TAFA4: variants seen among roughly 807,000 people sequenced by gnomAD.
TAFA4 encodes chemokine-like protein TAFA-4.
A neutral mutation model predicts 21.1 loss-of-function variants in TAFA4; 20 were observed. The observed-to-expected ratio is 0.95, with a 90% confidence interval of 0.67 to 1.38. The LOEUF is 1.38. Ranked by LOEUF, TAFA4 falls within the 40% of genes most tolerant of loss-of-function variation. The pLI, the probability that TAFA4 is intolerant of heterozygous loss-of-function variation, is 0.00. For synonymous variants in TAFA4, 71 were observed against 67.4 expected (o/e 1.05, Z -0.26); for missense variants, 211 against 180.9 (o/e 1.17, Z -0.95).
intron 1 of TAFA4, among the ~76,000 whole-genome samples, chr3:68,923,158 A>C (rs2090076249): frequency 6.6e-6 from 1 of 152,168 alleles, no homozygotes; most frequent in East Asian, 1.9e-4. Context: ...CTATTTGTGC[A>C]AACGTTAATT....
chr3:68,810,414 C>G (rs1703808946), intron 3 of TAFA4, among the ~76,000 whole-genome samples: 1 of 152,206 alleles, frequency 6.6e-6, no homozygotes, highest in African/African-American at 2.4e-5. Context: ...AGGGAATTCC[C>G]TTTCCTAGTC....
At chr3:68,743,227 G>T (rs1702390008) in intron 4 of TAFA4, among the ~76,000 whole-genome samples, 1 of 152,058 alleles carries the variant, frequency 6.6e-6, no homozygotes, top group Non-Finnish European at 1.5e-5. Context: ...TATTTATTGT[G>T]CCAGAGACTG....
At chr3:68,753,727 A>C (rs1471616053) in intron 3 of TAFA4, among the ~76,000 whole-genome samples, 1 of 152,180 alleles carries the variant, frequency 6.6e-6, no homozygotes, top group African/African-American at 2.4e-5. Context: ...AGACAGATGA[A>C]GAGCTCCAGG....
intron 3 of TAFA4, among the ~76,000 whole-genome samples, chr3:68,791,411 G>T (rs749588311): frequency 6.6e-6 from 1 of 152,086 alleles, no homozygotes; most frequent in Non-Finnish European, 1.5e-5. Flanking sequence ...CCAAATGCTG[G>T]AAGACGCAAA....
intron 3 of TAFA4, among the ~76,000 whole-genome samples, chr3:68,878,768 G>A (rs1194740159): frequency 6.6e-6 from 1 of 152,086 alleles, no homozygotes; most frequent in African/African-American, 2.4e-5. Flanking sequence ...GCGTTTTTTA[G>A]TTGCTTAAAA....
intron 3 of TAFA4, among the ~76,000 whole-genome samples, chr3:68,848,378 G>A (rs999065937): frequency 2.6e-5 from 4 of 152,236 alleles, no homozygotes; most frequent in East Asian, 1.9e-4. Flanking sequence ...ATGTATCAAC[G>A]AATAAAAAAT....
At position 68,894,222 on chromosome 3, in the gene TAFA4, A is replaced by T. The variant is rs777738605; in HGVS notation, c.-122-8912T>A. ...CACCCAGGTTGGAGTGCAGTGGCAC[A>T]ATCAGGGGTCACTGCGTCCTTCATC... is the stretch of plus-strand genomic sequence containing the variant. On this transcript the variant is annotated intron_variant, in intron 1 of 5. Transcript: ENST00000295569. 6.6e-5 allele frequency among the ~76,000 whole-genome samples: 10 copies of T among 151,332 alleles called. No individual in the cohort carries two copies. The Middle Eastern group carries it at 0.031, about 463-fold the overall frequency.
At chr3:68,795,371 G>A (rs567329061) in intron 3 of TAFA4, among the ~76,000 whole-genome samples, 1 of 151,872 alleles carries the variant, frequency 6.6e-6, no homozygotes, top group South Asian at 2.1e-4. Context: ...CAATCTTCTG[G>A]TTTACATGAG....
intron 3 of TAFA4, among the ~76,000 whole-genome samples, chr3:68,758,053 C>G (rs1028299219): frequency 2.0e-5 from 3 of 152,062 alleles, no homozygotes; most frequent in African/African-American, 7.2e-5. Flanking sequence ...GGCCTCATAA[C>G]TAGAGATTGA....
At chr3:68,771,752 C>T (rs1177059708) in intron 3 of TAFA4, among the ~76,000 whole-genome samples, 3 of 152,212 alleles carry the variant, frequency 2.0e-5, no homozygotes, top group African/African-American at 7.2e-5. Context: ...CAACGCCTTT[C>T]TAGAATATTC....
intron 3 of TAFA4, among the ~76,000 whole-genome samples, chr3:68,799,423 C>T (rs1240773263): frequency 1.3e-5 from 2 of 152,098 alleles, no homozygotes; most frequent in African/African-American, 4.8e-5. Flanking sequence ...CGAATCACCT[C>T]CCAAAGACCC....
chr3:68,817,721 G>T (rs999955489), intron 3 of TAFA4, among the ~76,000 whole-genome samples: 5 of 152,122 alleles, frequency 3.3e-5, no homozygotes, highest in Admixed American at 3.3e-4. Context: ...TGGGTGACCA[G>T]GGGCATTGTC....
At chr3:68,855,926 C>T (rs563214802) in intron 3 of TAFA4, among the ~76,000 whole-genome samples, 2 of 152,184 alleles carry the variant, frequency 1.3e-5, no homozygotes, top group East Asian at 3.9e-4. Context: ...TTTCCTTTGC[C>T]CTTTCCTGTC....
intron 3 of TAFA4, among the ~76,000 whole-genome samples, chr3:68,784,024 A>G (rs1703204347): frequency 6.6e-6 from 1 of 152,246 alleles, no homozygotes; most frequent in Non-Finnish European, 1.5e-5. Context: ...TCAATACATA[A>G]AGAGTTTTAA....
intron 4 of TAFA4, among the ~76,000 whole-genome samples, chr3:68,744,631 A>C (rs750996821): frequency 2.2e-4 from 33 of 152,210 alleles, no homozygotes; most frequent in African/African-American, 5.5e-4. Context: ...GGTACTTCTG[A>C]TGCCAAAACC....
chr3:68,790,398 A>G (rs1203532004), intron 3 of TAFA4, among the ~76,000 whole-genome samples: 6 of 152,236 alleles, frequency 3.9e-5, no homozygotes, highest in African/African-American at 1.4e-4. Context: ...TGACAAACAG[A>G]AAACAATAAA....
rs1172337523 is a variant in TAFA4, at chr3:68,731,897, AACAAC to A, written c.*1240_*1244del. The A allele has an allele frequency of 2.1e-4, 6 of 29,070 alleles. No homozygotes were observed. The South Asian group carries it at 0.025, about 122-fold the overall frequency. 1.8% of individuals were successfully genotyped at this position (29,070 alleles called of 1,614,324 possible). ...AAAATCAAATAACTGTTAGGCTATA[AACAAC>A]ATTAAAGTATTTATTTTCCCCCTAT... On this transcript the variant is annotated 3_prime_UTR_variant, in exon 6 of 6. Coordinates refer to ENST00000295569, the MANE Select transcript of TAFA4 (RefSeq NM_182522.5).
At chr3:68,734,279 G>A (rs1702201358) in intron 5 of TAFA4, among the ~76,000 whole-genome samples, 1 of 152,126 alleles carries the variant, frequency 6.6e-6, no homozygotes, top group Non-Finnish European at 1.5e-5. Context: ...TACAAAAGCA[G>A]GCCAAGGGCT....
intron 3 of TAFA4, among the ~76,000 whole-genome samples, chr3:68,754,326 G>T (rs773445281): frequency 6.6e-6 from 1 of 152,120 alleles, no homozygotes; most frequent in Non-Finnish European, 1.5e-5. Context: ...ATTGCATTCT[G>T]TTGTCACATT....
Sources: allele counts gnomAD v4.1 joint callset (sites outside exome capture counted in the v4.1 genomes callset), GRCh38; gene constraint gnomAD v4.1.1; transcripts MANE v1.5; gene names NCBI Gene and HGNC (gene_info 2026-07-23, HGNC 2026-07-21).